The following IGSF21 variants were observed in gnomAD, a reference collection of about 807,000 sequenced individuals.
The protein encoded by IGSF21 is immunoglobulin superfamily member 21.
In IGSF21, 28 loss-of-function variants were observed where a neutral mutation model predicts 46.8. That is an observed-to-expected ratio of 0.60 (90% CI 0.44 to 0.82). The LOEUF (loss-of-function observed/expected upper bound fraction) is 0.82. IGSF21 is among the 40% of genes least tolerant of loss of function. IGSF21 has a pLI of 0.00. For synonymous variants in IGSF21, 284 were observed against 273.6 expected, an observed-to-expected ratio of 1.04 and a Z score of -0.38; for missense variants, 624 against 665.5, an observed-to-expected ratio of 0.94 and a Z score of 0.69.
chr1:18,305,968 T>C (rs1469595440), intron 3 of IGSF21, among the ~76,000 whole-genome samples: 1 of 152,188 alleles, frequency 6.6e-6, no homozygotes, highest in East Asian at 1.9e-4. Flanking sequence ...AGAGCTATAG[T>C]TTTCTTTCCA....
chr1:18,142,991 C>T (rs1159693347), intron 1 of IGSF21, among the ~76,000 whole-genome samples: 1 of 152,240 alleles, frequency 6.6e-6, no homozygotes, highest in African/African-American at 2.4e-5. Flanking sequence ...CCCAAAGGGT[C>T]TGGCCTCTCC....
intron 1 of IGSF21, among the ~76,000 whole-genome samples, chr1:18,161,207 T>C (rs552256141): frequency 3.0e-4 from 45 of 152,236 alleles, no homozygotes; most frequent in African/African-American, 1.0e-3. Flanking sequence ...ACAGAGTCCC[T>C]ACGGGGCCCT....
intron 2 of IGSF21, among the ~76,000 whole-genome samples, chr1:18,253,485 A>G (rs532503495): frequency 9.8e-5 from 15 of 152,316 alleles, no homozygotes; most frequent in African/African-American, 3.4e-4. Context: ...GGTCCTGCCC[A>G]GAGAACCCCC....
intron 1 of IGSF21, among the ~76,000 whole-genome samples, chr1:18,131,325 A>G (rs1051528657): frequency 5.7e-4 from 86 of 152,020 alleles, no homozygotes; most frequent in African/African-American, 1.9e-3. Context: ...TCCCAGACTG[A>G]TTTTCTCATC....
chr1:18,323,635 G>T, intron 3 of IGSF21, among the ~76,000 whole-genome samples: 1 of 152,138 alleles, frequency 6.6e-6, no homozygotes, highest in East Asian at 1.9e-4. Context: ...CCCTGAAGCG[G>T]GTGAGGGGAG....
intron 1 of IGSF21, among the ~76,000 whole-genome samples, chr1:18,143,076 C>T (rs890029683): frequency 3.9e-5 from 6 of 152,228 alleles, no homozygotes; most frequent in African/African-American, 1.2e-4. Flanking sequence ...AGCCTGACCC[C>T]ACACAGGCCT....
At chr1:18,110,724 CG>C (rs1008883267) in intron 1 of IGSF21, 1 of 152,356 alleles carries the variant, frequency 6.6e-6, no homozygotes, top group Non-Finnish European at 1.5e-5. Flanking sequence ...CCACATTTCT[CG>C]GGACTCCTGG....
At position 18,143,486 on chromosome 1, in the gene IGSF21, T is replaced by C. The variant is rs372531901; in HGVS notation, c.70+35288T>C. On this transcript the variant is annotated intron_variant, in intron 1 of 9. Coordinates refer to ENST00000251296, the MANE Select transcript of IGSF21 (RefSeq NM_032880.5). ...CCCAGTCATAAAGTGCAAACTCCCG[T>C]CCCAGCCCATGCCCATGGCATGGGT... 8.4e-3 allele frequency among the ~76,000 whole-genome samples: 1,279 copies of C among 152,226 alleles called. 12 individuals are homozygous for C. The highest frequency in any genetic ancestry group is 0.014 in the Non-Finnish European group (920 of 68,008).
chr1:18,225,879 A>G (rs1446227781), intron 1 of IGSF21, among the ~76,000 whole-genome samples: 1 of 152,098 alleles, frequency 6.6e-6, no homozygotes, highest in Non-Finnish European at 1.5e-5. Context: ...ATGGAGCCCG[A>G]AGGTTTGGGT....
chr1:18,176,583 G>C (rs571451494), intron 1 of IGSF21, among the ~76,000 whole-genome samples: 2 of 152,160 alleles, frequency 1.3e-5, no homozygotes, highest in Non-Finnish European at 2.9e-5. Flanking sequence ...GTTTTCCAAG[G>C]AGTAAGCCTT....
chr1:18,360,432 T>C (rs146604781), intron 4 of IGSF21, among the ~76,000 whole-genome samples: 2 of 152,318 alleles, frequency 1.3e-5, no homozygotes, highest in Non-Finnish European at 2.9e-5. Flanking sequence ...CGTGTGTCTG[T>C]CGCCCCCACC....
rs189897011 is a variant in IGSF21, at chr1:18,128,084, A to G, written c.70+19886A>G. Among the ~76,000 whole-genome samples the G allele has an allele frequency of 6.8e-3, 1,030 of 152,328 alleles. 16 individuals are homozygous for G. Among genetic ancestry groups the G allele is most frequent in the Middle Eastern group, 0.017 (5 of 294 alleles). ...ATTATTATTATTGTTGTTAGCTAAT[A>G]CTAATGGATAACTTACTACTCGTTT... On this transcript the variant is annotated intron_variant, in intron 1 of 9. Transcript: ENST00000251296.
At chr1:18,292,950 G>T (rs2085281216) in intron 3 of IGSF21, among the ~76,000 whole-genome samples, 1 of 152,236 alleles carries the variant, frequency 6.6e-6, no homozygotes, top group Admixed American at 6.5e-5. Context: ...GAAAGTAGTG[G>T]TCTGCTCCAA....
chr1:18,324,054 G>C (rs1160818437), intron 3 of IGSF21, among the ~76,000 whole-genome samples: 1 of 152,014 alleles, frequency 6.6e-6, no homozygotes. Flanking sequence ...CTCCCAGGCT[G>C]TACAACCTGG....
chr1:18,317,354 C>T (rs1425574731), intron 3 of IGSF21, among the ~76,000 whole-genome samples: 4 of 152,146 alleles, frequency 2.6e-5, no homozygotes, highest in Non-Finnish European at 5.9e-5. Context: ...AGACATTGCA[C>T]AGAGAGGTTA....
intron 3 of IGSF21, among the ~76,000 whole-genome samples, chr1:18,307,214 A>G (rs1045051820): frequency 6.6e-6 from 1 of 151,900 alleles, no homozygotes; most frequent in Non-Finnish European, 1.5e-5. Context: ...CCATGGGACT[A>G]AGTCCAGTCA....
intron 1 of IGSF21, among the ~76,000 whole-genome samples, chr1:18,172,446 C>T (rs1235676772): frequency 1.3e-5 from 2 of 152,282 alleles, no homozygotes; most frequent in Non-Finnish European, 1.5e-5. Flanking sequence ...TTGATTTCCT[C>T]ACAGTTCTGG....
At chr1:18,146,990 C>T (rs538671831) in intron 1 of IGSF21, among the ~76,000 whole-genome samples, 51 of 152,308 alleles carry the variant, frequency 3.3e-4, no homozygotes, top group Non-Finnish European at 6.3e-4. Context: ...TTGCTCTCTA[C>T]GCCTGGTCCA....
In IGSF21 at chr1:18,334,724, C is replaced by T. The variant is rs1242805683; in HGVS notation, c.306-168C>T. ...CTGTCTGAGATGCCGAGCACAGGGT[C>T]TGCATACAGTCGGTGTTCCATAAAT... is the stretch of plus-strand genomic sequence containing the variant. On this transcript the variant is annotated intron_variant, in intron 3 of 9. Transcript: ENST00000251296. The surrounding 1 kb of genome is among the most constrained non-coding windows in gnomAD (Gnocchi z 4.3). 6.6e-6 allele frequency among the ~76,000 whole-genome samples: 1 copy of T among 152,208 alleles called. No individual in the cohort carries two copies. Among genetic ancestry groups the T allele is most frequent in the Non-Finnish European group, 1.5e-5 (1 of 68,040 alleles).
Sources: allele counts gnomAD v4.1 joint callset (sites outside exome capture counted in the v4.1 genomes callset), GRCh38; gene constraint gnomAD v4.1.1; non-coding constraint Gnocchi (gnomAD v3.1); transcripts MANE v1.5; gene names NCBI Gene and HGNC (gene_info 2026-07-23, HGNC 2026-07-21).